The following HELT variants were observed in gnomAD, a reference collection of about 807,000 sequenced individuals.
HELT encodes the protein hairy and enhancer of split-related protein HELT.
In HELT, 9 loss-of-function variants were observed where a neutral mutation model predicts 19.5. That is an observed-to-expected ratio of 0.46 (90% CI 0.28 to 0.80). HELT has a LOEUF of 0.80. Among genes scored for constraint, HELT ranks in the 30% least tolerant of loss-of-function variants. The probability of loss-of-function intolerance (pLI) is 0.12; values close to 1 mark genes in which losing one functional copy is unlikely to be tolerated. For synonymous variants in HELT, 162 were observed against 148.3 expected, an observed-to-expected ratio of 1.09 and a Z score of -0.67; for missense variants, 366 against 326.3, an observed-to-expected ratio of 1.12 and a Z score of -0.94.
chr4:185,018,697 A>C lies in HELT; in HGVS notation c.-232A>C. The C allele has an allele frequency of 2.6e-6, 1 of 387,924 alleles. No homozygotes were observed. The highest frequency in any genetic ancestry group is 1.3e-4 in the South Asian group (1 of 7,496). 24.0% of individuals were successfully genotyped at this position (387,924 alleles called of 1,614,324 possible). A position where few individuals can be genotyped will look rare whatever the true frequency, so the allele number is the denominator to read the frequency against. ...CGGCTGCTAATTTTTTTTTTTTCTT[A>C]ACTTCTTTAAAACTGATCTTGAATG... is the stretch of plus-strand genomic sequence containing the variant. On this transcript the variant is annotated 5_prime_UTR_variant, in exon 1 of 4. Transcript: ENST00000515777.
intron 3 of HELT, 144 bp from the exon 4 acceptor site, chr4:185,020,129 A>G (rs1734024599): frequency 3.3e-6 from 4 of 1,227,134 alleles, no homozygotes; most frequent in Middle Eastern, 2.9e-4. Context: ...GCCAGTCTCT[A>G]AGACTGCGCA....
rs1350833962 is a variant in HELT at position 185,018,883 on chromosome 4, G to A, written c.-46G>A. 1.9e-6 allele frequency: 3 copies of A among 1,543,408 alleles called. No individual in the cohort carries two copies. Among genetic ancestry groups the A allele is most frequent in the African/African-American group, 1.4e-5 (1 of 73,258 alleles). On this transcript the variant is annotated 5_prime_UTR_variant, in exon 1 of 4. Coordinates refer to ENST00000515777, the MANE Select transcript of HELT (RefSeq NM_001300781.2). ...AGGCACACGAGGCGGAAAAGTGGAC[G>A]GGTGCCCCGCGCCACCGCCTCTCCC... is the stretch of plus-strand genomic sequence containing the variant.
Position 185,018,826 on chromosome 4 carries a change from G to C in HELT, c.-103G>C. On this transcript the variant is annotated 5_prime_UTR_variant, in exon 1 of 4. Coordinates refer to ENST00000515777, the MANE Select transcript of HELT (RefSeq NM_001300781.2). ...GCTTTATAAGGCAGCCCTCGGAGTT[G>C]GGAGGCTGCAGTCTACCTGGGACAC... 8.3e-7 allele frequency: 1 copy of C among 1,210,296 alleles called. No individual in the cohort carries two copies. 75.0% of individuals were successfully genotyped at this position (1,210,296 alleles called of 1,614,324 possible). A position where few individuals can be genotyped will look rare whatever the true frequency, so the allele number is the denominator to read the frequency against.
Position 185,018,963 on chromosome 4 carries a change from G to A in HELT, c.27+8G>A. On this transcript the variant is annotated splice_region_variant and intron_variant, in intron 1 of 3. Coordinates refer to ENST00000515777, the MANE Select transcript of HELT (RefSeq NM_001300781.2). ...AAGCTCAAGGAACGCAAAGTGAGTC[G>A]GCTGAGCCCAAATGGCACTTGCGCC... 1 of 1,613,036 alleles carries A rather than the reference G, an allele frequency of 6.2e-7. No homozygotes were observed. The highest frequency in any genetic ancestry group is 1.1e-5 in the South Asian group (1 of 90,948).
Position 185,020,376 on chromosome 4 carries a change from G to A in HELT, c.333G>A (p.Lys111=), listed in dbSNP as rs529404458. 3.9e-5 allele frequency: 63 copies of A among 1,614,104 alleles called. No individual in the cohort carries two copies. The South Asian group carries it at 6.1e-4, about 16-fold the overall frequency. ...CCACGGTGGAGCGGATGGAGACCAAGGACACGAAGTACGCGCGCATCCTCG... is the reference window on the plus strand; with the variant it reads ...CCACGGTGGAGCGGATGGAGACCAAAGACACGAAGTACGCGCGCATCCTCG... ...YLTTVERMET[K]DTKYARILAF... Residue 111 remains lysine (K), a synonymous_variant, in exon 4 of 4, where the codon AAG becomes AAA. Coordinates refer to ENST00000515777, the MANE Select transcript of HELT (RefSeq NM_001300781.2).
At chr4:185,019,032 G>A in intron 1 of HELT, 77 bp downstream of exon 1, 1 of 1,614,080 alleles carries the variant, frequency 6.2e-7, no homozygotes, top group East Asian at 2.2e-5. Context: ...CACTTGGGTG[G>A]ACCGATGGCA....
chr4:185,020,601 C>G lies in HELT; in HGVS notation c.558C>G (p.Pro186=). Residue 186 remains proline, a synonymous_variant, in exon 4 of 4, where the codon CCC becomes CCG. Transcript: ENST00000515777. ...GGCCGCCTGGCGCGGCCCGCAGCCCCGCGCTGCCCTACCTGCCCAGCGCGC... is the reference window on the plus strand; with the variant it reads ...GGCCGCCTGGCGCGGCCCGCAGCCCGGCGCTGCCCTACCTGCCCAGCGCGC... ...FPWPPGAARS[P]ALPYLPSAPV... is the part of the protein sequence containing the mutation. The G allele has an allele frequency of 6.3e-7, 1 of 1,596,476 alleles. No individual in the cohort carries two copies. The highest frequency in any genetic ancestry group is 8.5e-7 in the Non-Finnish European group (1 of 1,176,002).
Position 185,020,557 on chromosome 4 carries a change from G to C in HELT, c.514G>C (p.Gly172Arg), listed in dbSNP as rs756375365. The C allele has an allele frequency of 4.4e-6, 7 of 1,602,946 alleles. No homozygotes were observed. The highest frequency in any genetic ancestry group is 1.7e-5 in the Admixed American group (1 of 59,656). The change falls in exon 4 of 4, where the codon GGT becomes CGT. Residue 172 changes from glycine (G) to arginine (R), a missense_variant. By Grantham distance (125) the Gly-to-Arg change is moderately radical (BLOSUM62 -2). Transcript: ENST00000515777. ...GEAAVFPQGSGAGPFPWPPGA... is the reference protein window; with the variant it reads ...GEAAVFPQGSRAGPFPWPPGA... Reference sequence around the variant, plus strand: ...GGCCGCTGTGTTCCCGCAGGGCTCTGGTGCCGGGCCTTTCCCCTGGCCGCC... The same window carrying C: ...GGCCGCTGTGTTCCCGCAGGGCTCTCGTGCCGGGCCTTTCCCCTGGCCGCC...
chr4:185,020,448 G>A lies in HELT; in HGVS notation c.405G>A (p.Pro135=), dbSNP rs906683710. ...KARLGAEPAF[P]PLGSLPEPDF... ...GCCTGGGCGCGGAGCCCGCCTTTCCGCCGCTGGGTTCGCTCCCGGAGCCGG... is the reference window on the plus strand; with the variant it reads ...GCCTGGGCGCGGAGCCCGCCTTTCCACCGCTGGGTTCGCTCCCGGAGCCGG... Residue 135 remains proline, a synonymous_variant, in exon 4 of 4, where the codon CCG becomes CCA. Coordinates refer to ENST00000515777, the MANE Select transcript of HELT (RefSeq NM_001300781.2). 1 of 1,613,854 alleles carries A rather than the reference G, an allele frequency of 6.2e-7. No homozygotes were observed. Among genetic ancestry groups the A allele is most frequent in the African/African-American group, 1.3e-5 (1 of 74,936 alleles).
rs1733969037 is a variant in HELT, at chr4:185,018,844, T to A, written c.-85T>A. Reference sequence around the variant, plus strand: ...CGGAGTTGGGAGGCTGCAGTCTACCTGGGACACTCGAGGAGGCACACGAGG... The same window carrying A: ...CGGAGTTGGGAGGCTGCAGTCTACCAGGGACACTCGAGGAGGCACACGAGG... On this transcript the variant is annotated 5_prime_UTR_variant, in exon 1 of 4. Transcript: ENST00000515777. 6.9e-7 allele frequency: 1 copy of A among 1,443,666 alleles called. No homozygotes were observed. Among genetic ancestry groups the A allele is most frequent in the Admixed American group, 2.0e-5 (1 of 50,538 alleles). 89.4% of individuals were successfully genotyped at this position (1,443,666 alleles called of 1,614,324 possible). A position where few individuals can be genotyped will look rare whatever the true frequency, so the allele number is the denominator to read the frequency against.
chr4:185,020,685 C>T lies in HELT; in HGVS notation c.642C>T (p.Gly214=). The change falls in exon 4 of 4, where the codon GGC becomes GGT. Residue 214 remains glycine, a synonymous_variant. Coordinates refer to ENST00000515777, the MANE Select transcript of HELT (RefSeq NM_001300781.2). ...QHSPFLTPVQ[G]LDRHYLNLIG... is the part of the protein sequence containing the mutation. Reference sequence around the variant, plus strand: ...GCCCCTTCCTGACACCGGTGCAGGGCCTGGACCGGCATTACCTCAACCTGA... The same window carrying T: ...GCCCCTTCCTGACACCGGTGCAGGGTCTGGACCGGCATTACCTCAACCTGA... 2.5e-6 allele frequency: 4 copies of T among 1,604,084 alleles called. No homozygotes were observed. The highest frequency in any genetic ancestry group is 2.5e-6 in the Non-Finnish European group (3 of 1,179,182).
In HELT at chr4:185,018,844, T is replaced by G; in HGVS notation, c.-85T>G. ...CGGAGTTGGGAGGCTGCAGTCTACC[T>G]GGGACACTCGAGGAGGCACACGAGG... On this transcript the variant is annotated 5_prime_UTR_variant, in exon 1 of 4. Coordinates refer to ENST00000515777, the MANE Select transcript of HELT (RefSeq NM_001300781.2). 4 of 1,443,784 alleles carry G rather than the reference T, an allele frequency of 2.8e-6. No individual in the cohort carries two copies. In the South Asian group the frequency reaches 5.2e-5, roughly 19 times the overall value. The allele number at this position is 1,443,784 out of a possible 1,614,324, so 89.4% of individuals were successfully genotyped here. A position where few individuals can be genotyped will look rare whatever the true frequency, so the allele number is the denominator to read the frequency against.
chr4:185,019,289 G>A (rs1733985763), intron 1 of HELT, 98 bp from the exon 2 acceptor site: 2 of 1,172,492 alleles, frequency 1.7e-6, no homozygotes, highest in Non-Finnish European at 2.4e-6. Flanking sequence ...TGAGCAGTGT[G>A]CGCGGCTGGA....
Position 185,020,416 on chromosome 4 carries a change from A to G in HELT, c.373A>G (p.Lys125Glu). ...GCGCATCCTCGCCTTCTTGCAGTCC[A>G]AGGCCCGCCTGGGCGCGGAGCCCGC... ...YARILAFLQS[K>E]ARLGAEPAFP... The change falls in exon 4 of 4, where the codon AAG becomes GAG. Residue 125 changes from lysine (K) to glutamate (E), a missense_variant. Transcript: ENST00000515777. 1 of 1,614,192 alleles carries G rather than the reference A, an allele frequency of 6.2e-7. No homozygotes were observed. Among genetic ancestry groups the G allele is most frequent in the Non-Finnish European group, 8.5e-7 (1 of 1,180,046 alleles).
At chr4:185,019,572 A>C (rs1303644756) in intron 2 of HELT, 81 bp downstream of exon 2, 2 of 1,549,830 alleles carry the variant, frequency 1.3e-6, no homozygotes, top group African/African-American at 1.4e-5. Context: ...GAGCCCGCGG[A>C]CACAGAGGAC....
chr4:185,019,704 G>A (rs1409102236), intron 2 of HELT, 43 bp from the exon 3 acceptor site: 1 of 1,611,886 alleles, frequency 6.2e-7, no homozygotes, highest in Admixed American at 1.7e-5. Context: ...TGCCCGACCA[G>A]CAGGCGCTGG....
intron 2 of HELT, 34 bp from the exon 3 acceptor site, chr4:185,019,713 G>T: frequency 6.2e-7 from 1 of 1,612,350 alleles, no homozygotes; most frequent in South Asian, 1.1e-5. Context: ...AGCAGGCGCT[G>T]GGCCGCTGCG....
chr4:185,019,992 T>A, intron 3 of HELT, 149 bp downstream of exon 3: 1 of 711,458 alleles, frequency 1.4e-6, no homozygotes. Context: ...AAGGCGCCTC[T>A]CCCTGCTCGG....
rs201119866 is a variant in HELT, at chr4:185,020,471, C to G, written c.428C>G (p.Pro143Arg). 124 of 1,613,694 alleles carry G rather than the reference C, an allele frequency of 7.7e-5. No individual in the cohort carries two copies. Among genetic ancestry groups the G allele is most frequent in the Non-Finnish European group, 1.0e-4 (119 of 1,180,016 alleles). ...CCGCCGCTGGGTTCGCTCCCGGAGCCGGATTTCTCCTATCAGCTGCACCCT... is the reference window on the plus strand; with the variant it reads ...CCGCCGCTGGGTTCGCTCCCGGAGCGGGATTTCTCCTATCAGCTGCACCCT... ...AFPPLGSLPEPDFSYQLHPAG... is the reference protein window; with the variant it reads ...AFPPLGSLPERDFSYQLHPAG... Residue 143 changes from proline to arginine, a missense_variant, in exon 4 of 4, where the codon CCG (proline) becomes CGG (arginine). Physicochemically the swap from Pro to Arg is moderately radical, Grantham distance 103. Transcript: ENST00000515777.
Sources: allele counts gnomAD v4.1 joint callset, GRCh38; gene constraint gnomAD v4.1.1; transcripts MANE v1.5; gene names NCBI Gene and HGNC (gene_info 2026-07-23, HGNC 2026-07-21).